Variants in CNIH3 observed in about 807,000 individuals in gnomAD.
The protein encoded by CNIH3 is cornichon family AMPA receptor auxiliary protein 3.
A neutral mutation model predicts 24.1 loss-of-function variants in CNIH3; 14 were observed. That is an observed-to-expected ratio of 0.58 (90% CI 0.38 to 0.91). The LOEUF (loss-of-function observed/expected upper bound fraction) is 0.91, where lower values mean the gene tolerates loss of function less well. CNIH3 is among the 40% of genes least tolerant of loss of function. The pLI is 0.00. For synonymous variants in CNIH3, 68 were observed against 73.8 expected, an observed-to-expected ratio of 0.92 and a Z score of 0.40; for missense variants, 178 against 196.8, an observed-to-expected ratio of 0.90 and a Z score of 0.57.
chr1:224,532,093 T>A (rs1437754343), intron 2 of CNIH3, among the ~76,000 whole-genome samples: 1 of 152,086 alleles, frequency 6.6e-6, no homozygotes, highest in Non-Finnish European at 1.5e-5. Flanking sequence ...TAAGGTATGG[T>A]GCAGAAAGAC....
intron 1 of CNIH3, among the ~76,000 whole-genome samples, chr1:224,494,122 C>G (rs1045532186): frequency 6.6e-6 from 1 of 152,174 alleles, no homozygotes; most frequent in Non-Finnish European, 1.5e-5. Context: ...TCACAGATGT[C>G]AGGTCAAAAG....
chr1:224,526,024 A>G (rs1465605790), intron 2 of CNIH3, among the ~76,000 whole-genome samples: 1 of 152,202 alleles, frequency 6.6e-6, no homozygotes, highest in Non-Finnish European at 1.5e-5. Context: ...GTTCTCTCTC[A>G]TCCTCTGCTT....
chr1:224,494,740 C>T (rs1036431102), intron 1 of CNIH3, among the ~76,000 whole-genome samples: 1 of 152,118 alleles, frequency 6.6e-6, no homozygotes, highest in African/African-American at 2.4e-5. Context: ...AACAGGTGGC[C>T]CAGGTCAGGG....
At position 224,440,684 on chromosome 1, in the gene CNIH3, C is replaced by G. The variant is rs187303793; in HGVS notation, n.203+5822C>G. Among the ~76,000 whole-genome samples, 300 of 152,210 alleles carry G rather than the reference C, an allele frequency of 2.0e-3. 2 individuals carry two copies. Among genetic ancestry groups the G allele is most frequent in the African/African-American group, 6.7e-3 (278 of 41,528 alleles). The stretch of plus-strand genomic sequence containing the variant: ...TATGTATATATGCACATATTGTTTT[C>G]TCTGGTAGGAAAGAAAAGCATAAAC... On this transcript the variant is annotated intron_variant and non_coding_transcript_variant, in intron 1 of 5. Coordinates refer to the CNIH3 transcript ENST00000471578.
intron 1 of CNIH3, among the ~76,000 whole-genome samples, chr1:224,475,304 C>G (rs1448914027): frequency 6.8e-6 from 1 of 147,984 alleles, no homozygotes; most frequent in African/African-American, 2.5e-5. Flanking sequence ...TGCAGTGAAC[C>G]GAGATTGCGC....
At chr1:224,438,061 C>T (rs1674743041) in intron 1 of CNIH3, among the ~76,000 whole-genome samples, 2 of 151,914 alleles carry the variant, frequency 1.3e-5, no homozygotes, top group Admixed American at 6.6e-5. Flanking sequence ...TACAGGCAAC[C>T]ACCACCACAC....
chr1:224,587,569 T>G (rs1434475106), intron 5 of CNIH3: 1 of 152,244 alleles, frequency 6.6e-6, no homozygotes, highest in African/African-American at 2.4e-5. Context: ...ATTTCTAACC[T>G]AGAAGAGCCT....
At chr1:224,471,979 G>T (rs1218120238) in intron 1 of CNIH3, among the ~76,000 whole-genome samples, 1 of 152,120 alleles carries the variant, frequency 6.6e-6, no homozygotes, top group Non-Finnish European at 1.5e-5. Context: ...AGACACTTAG[G>T]TTGCTTCCAA....
chr1:224,588,003 C>A (rs1352416250), intron 5 of CNIH3, among the ~76,000 whole-genome samples: 1 of 151,636 alleles, frequency 6.6e-6, no homozygotes, highest in East Asian at 1.9e-4. Context: ...AAGATGAGAC[C>A]AGTTATGGAA....
intron 1 of CNIH3, among the ~76,000 whole-genome samples, chr1:224,650,671 G>A (rs1430818014): frequency 6.6e-6 from 1 of 152,192 alleles, no homozygotes; most frequent in East Asian, 1.9e-4. Flanking sequence ...AGTTGTTTTA[G>A]CAAATTGGCA....
chr1:224,505,305 GAA>G (rs35027217), intron 1 of CNIH3, among the ~76,000 whole-genome samples: 4,203 of 138,428 alleles, frequency 0.03, 173 homozygotes, highest in African/African-American at 0.095. Flanking sequence ...TCTCAAAAAG[GAA>G]AAAAAAAAAA....
chr1:224,735,007 CCTT>C (rs1553301322), intron 5 of CNIH3, among the ~76,000 whole-genome samples: 1 of 152,188 alleles, frequency 6.6e-6, no homozygotes, highest in Non-Finnish European at 1.5e-5. Context: ...GTTGGCTACT[CCTT>C]CTTCCCTATA....
chr1:224,485,340 T>C (rs1445586189), intron 1 of CNIH3, among the ~76,000 whole-genome samples: 1 of 152,254 alleles, frequency 6.6e-6, no homozygotes, highest in Non-Finnish European at 1.5e-5. Context: ...TACTGACCAA[T>C]AGAAGAGAAG....
At chr1:224,709,221 C>T (rs557471572) in intron 3 of CNIH3, among the ~76,000 whole-genome samples, 8 of 152,320 alleles carry the variant, frequency 5.3e-5, no homozygotes, top group East Asian at 1.9e-4. Flanking sequence ...CATCTATCAT[C>T]GTTCATCTTC....
intron 1 of CNIH3, among the ~76,000 whole-genome samples, chr1:224,463,773 ATTTTTTTTTT>A (rs56137320): frequency 1.1e-3 from 22 of 20,726 alleles, no homozygotes; most frequent in African/African-American, 4.1e-3. Context: ...AATTGTCCTC[ATTTTTTTTTT>A]TTTTTTTTTT....
At chr1:224,512,930 C>T (rs888313208), upstream of CNIH3, among the ~76,000 whole-genome samples, 1 of 152,204 alleles carries the variant, frequency 6.6e-6, no homozygotes, top group African/African-American at 2.4e-5. Context: ...CGCTTTTGGC[C>T]TCTGTCCTTT....
intron 3 of CNIH3, among the ~76,000 whole-genome samples, chr1:224,695,684 G>A (rs1200672899): frequency 6.6e-6 from 1 of 152,162 alleles, no homozygotes; most frequent in East Asian, 1.9e-4. Flanking sequence ...ACTTTACAGA[G>A]CTTCTTACCA....
intron 3 of CNIH3, among the ~76,000 whole-genome samples, chr1:224,603,178 G>T (rs1320967080): frequency 1.3e-5 from 2 of 151,464 alleles, no homozygotes; most frequent in Non-Finnish European, 2.9e-5. Flanking sequence ...ATTTGTCTTT[G>T]CATTCAGTAA....
chr1:224,575,564 G>A (rs1558175465), intron 4 of CNIH3, among the ~76,000 whole-genome samples: 1 of 152,036 alleles, frequency 6.6e-6, no homozygotes, highest in African/African-American at 2.4e-5. Flanking sequence ...CCTGTCAATA[G>A]AGTAGCTTTG....
Sources: allele counts gnomAD v4.1 joint callset (sites outside exome capture counted in the v4.1 genomes callset), GRCh38; gene constraint gnomAD v4.1.1; transcripts MANE v1.5; gene names NCBI Gene and HGNC (gene_info 2026-07-23, HGNC 2026-07-21).